Variants in NGEF observed in about 807,000 individuals in gnomAD.
NGEF encodes the protein neuronal guanine nucleotide exchange factor.
A neutral mutation model predicts 80.9 loss-of-function variants in NGEF; 31 were observed. The observed-to-expected ratio is 0.38, with a 90% CI of 0.29 to 0.52. The LOEUF is 0.52. Ranked by LOEUF, NGEF falls within the 20% of genes least tolerant of loss-of-function variation. The probability of loss-of-function intolerance (pLI) is 0.84; values close to 1 mark genes in which losing one functional copy is unlikely to be tolerated. For missense variants in NGEF, 709 were observed against 926.2 expected, an observed-to-expected ratio of 0.77 and a Z score of 3.04; for synonymous variants, 371 against 370.2, an observed-to-expected ratio of 1.00 and a Z score of -0.03.
At position 232,991,227 on chromosome 2, in the gene NGEF, A is replaced by G. The variant is rs138839969; in HGVS notation, c.-74-16263T>C. ...ACTGTTCAAAATTATAATGGAGGTT[A>G]TAAGACCCTTAGCCAAGAGAAAAAA... is the stretch of plus-strand genomic sequence containing the variant. On this transcript the variant is annotated intron_variant, in intron 1 of 14. Transcript: ENST00000264051. Among the ~76,000 whole-genome samples, 344 of 152,250 alleles carry G rather than the reference A, an allele frequency of 2.3e-3. 1 individual carries two copies. The highest frequency in any genetic ancestry group is 7.7e-3 in the African/African-American group (322 of 41,566).
rs569747925 is a variant in NGEF, at chr2:232,913,455, T to C, written c.828+6829A>G. On this transcript the variant is annotated intron_variant, in intron 5 of 14. Coordinates refer to ENST00000264051, the MANE Select transcript of NGEF (RefSeq NM_019850.3). ...CAATGTGTAATCTGCTACTGTTGGG[T>C]AGAGTGTTCTAGGAATGTTTATTAG... Among the ~76,000 whole-genome samples, 8 of 152,290 alleles carry C rather than the reference T, an allele frequency of 5.3e-5. No homozygotes were observed. In the East Asian group the frequency reaches 1.5e-3, roughly 29 times the overall value.
chr2:232,970,229 C>G lies in NGEF; in HGVS notation c.368G>C (p.Gly123Ala). The G allele has an allele frequency of 6.3e-7, 1 of 1,589,624 alleles. No individual in the cohort carries two copies. The highest frequency in any genetic ancestry group is 8.5e-7 in the Non-Finnish European group (1 of 1,170,966). The change falls in exon 3 of 15, where the codon GGA becomes GCA. Residue 123 changes from glycine to alanine, a missense_variant. Around this residue, in one of 2 missense-constraint regions of NGEF, gnomAD observed 283 missense variants for 303.4 expected, o/e 0.93. Coordinates refer to ENST00000264051, the MANE Select transcript of NGEF (RefSeq NM_019850.3). ...CATCTCTTACCTCATTTCCTGGGCT[C>G]CTGGGTCTGTCTGCATTGCTGTTCT... ...PCRTAMQTDP[G>A]AQEMSESSST...
chr2:232,929,651 C>T (rs915266242), intron 3 of NGEF, among the ~76,000 whole-genome samples: 2 of 152,236 alleles, frequency 1.3e-5, no homozygotes, highest in African/African-American at 4.8e-5. Flanking sequence ...CTCCCATGGA[C>T]CCAGGTATCT....
intron 12 of NGEF, among the ~76,000 whole-genome samples, chr2:232,882,718 C>T (rs532516028): frequency 7.2e-5 from 11 of 152,292 alleles, no homozygotes; most frequent in South Asian, 4.1e-4. Context: ...GGGGCCACGA[C>T]GGGAGGAGGG....
chr2:232,895,289 G>A (rs1692021247), intron 5 of NGEF, among the ~76,000 whole-genome samples: 1 of 152,154 alleles, frequency 6.6e-6, no homozygotes, highest in African/African-American at 2.4e-5. Flanking sequence ...CACTTTAGGA[G>A]GCCGAGGCGG....
intron 3 of NGEF, among the ~76,000 whole-genome samples, chr2:232,942,417 C>T (rs185156554): frequency 2.6e-5 from 4 of 152,324 alleles, no homozygotes; most frequent in East Asian, 1.9e-4. Context: ...CTTGAAAGCA[C>T]GTGGACATTC....
intron 3 of NGEF, among the ~76,000 whole-genome samples, chr2:232,948,860 A>G (rs771573185): frequency 2.8e-4 from 43 of 152,100 alleles, no homozygotes; most frequent in Non-Finnish European, 7.4e-5. Context: ...TCTACTAAAA[A>G]TACAAAAATT....
chr2:232,981,458 C>G (rs1694415161), intron 1 of NGEF, among the ~76,000 whole-genome samples: 1 of 152,050 alleles, frequency 6.6e-6, no homozygotes, highest in Admixed American at 6.6e-5. Context: ...TCTGACCCTC[C>G]CCACGTTGCT....
intron 3 of NGEF, among the ~76,000 whole-genome samples, chr2:232,967,648 G>A (rs1286741618): frequency 1.3e-5 from 2 of 151,734 alleles, no homozygotes. Context: ...TTTTTTTATA[G>A]CAATGCAAGA....
At chr2:232,926,997 G>T (rs368738673) in intron 4 of NGEF, 47 bp downstream of exon 4, 1 of 1,613,180 alleles carries the variant, frequency 6.2e-7, no homozygotes, top group African/African-American at 1.3e-5. Context: ...AGTCCTCCAG[G>T]GACCCGCGTT....
At chr2:232,894,983 G>C in intron 5 of NGEF, 67 bp from the exon 6 acceptor site, 1 of 1,498,170 alleles carries the variant, frequency 6.7e-7, no homozygotes, top group Non-Finnish European at 9.1e-7. Flanking sequence ...AGCCTTGGCT[G>C]AGACAGAGGA....
intron 5 of NGEF, among the ~76,000 whole-genome samples, chr2:232,902,180 A>G (rs1446703906): frequency 1.3e-5 from 2 of 152,162 alleles, no homozygotes; most frequent in Non-Finnish European, 2.9e-5. Flanking sequence ...CAAGGTCACA[A>G]AGTTGCCTCG....
chr2:232,887,933 TAA>T, intron 9 of NGEF, 98 bp downstream of exon 9: 1 of 917,872 alleles, frequency 1.1e-6, no homozygotes, highest in East Asian at 2.4e-5. Flanking sequence ...TTGCATATTC[TAA>T]AAAGACACAC....
chr2:232,935,152 A>G (rs914976290), intron 3 of NGEF, among the ~76,000 whole-genome samples: 6 of 152,200 alleles, frequency 3.9e-5, no homozygotes, highest in Non-Finnish European at 5.9e-5. Flanking sequence ...AGCAAAGTGC[A>G]TTCTTATTTA....
chr2:232,943,655 C>T (rs1313063445), intron 3 of NGEF, among the ~76,000 whole-genome samples: 1 of 151,548 alleles, frequency 6.6e-6, no homozygotes, highest in Non-Finnish European at 1.5e-5. Context: ...GCCACTAGAC[C>T]CGACTAATTT....
chr2:232,897,086 GT>G (rs1692120105), intron 5 of NGEF, among the ~76,000 whole-genome samples: 1 of 127,740 alleles, frequency 7.8e-6, no homozygotes, highest in African/African-American at 3.0e-5. Flanking sequence ...AGGGGTGAGG[GT>G]TGGGATGGGG....
chr2:233,013,227 T>C lies in NGEF; in HGVS notation c.-234A>G. 4.2e-6 allele frequency: 2 copies of C among 471,200 alleles called. No individual in the cohort carries two copies. The highest frequency in any genetic ancestry group is 8.8e-6 in the Non-Finnish European group (2 of 227,064). The allele number at this position is 471,200 out of a possible 1,614,324, so 29.2% of individuals were successfully genotyped here. A position where few individuals can be genotyped will look rare whatever the true frequency, so the allele number is the denominator to read the frequency against. On this transcript the variant is annotated 5_prime_UTR_variant, in exon 1 of 15. Transcript: ENST00000264051. Reference sequence around the variant, plus strand: ...GAGCCCACAGCCAAAAACTTCGTCCTGTCCTGGAAAAGCTTCACTGGTAAG... The same window carrying C: ...GAGCCCACAGCCAAAAACTTCGTCCCGTCCTGGAAAAGCTTCACTGGTAAG...
rs1694157906 is a variant in NGEF, at chr2:232,970,250, G to A, written c.347C>T (p.Thr116Ile). Reference protein sequence around the residue: ...IPWSRMPPCRTAMQTDPGAQE... With the variant: ...IPWSRMPPCRIAMQTDPGAQE... ...GGCTCCTGGGTCTGTCTGCATTGCTGTTCTGCAAGGAGGCATTCTGCTCCA... is the reference window on the plus strand; with the variant it reads ...GGCTCCTGGGTCTGTCTGCATTGCTATTCTGCAAGGAGGCATTCTGCTCCA... Residue 116 changes from threonine (T) to isoleucine (I), a missense_variant, in exon 3 of 15, where the codon ACA (threonine) becomes ATA (isoleucine). Transcript: ENST00000264051. 4 of 1,601,842 alleles carry A rather than the reference G, an allele frequency of 2.5e-6. No individual in the cohort carries two copies. Among genetic ancestry groups the A allele is most frequent in the East Asian group, 2.3e-5 (1 of 43,638 alleles).
chr2:232,944,897 G>T (rs369721749), intron 3 of NGEF, among the ~76,000 whole-genome samples: 2 of 151,248 alleles, frequency 1.3e-5, no homozygotes, highest in Admixed American at 6.6e-5. Context: ...GATTACAGGC[G>T]CCTGCCACCA....
Sources: allele counts gnomAD v4.1 joint callset (sites outside exome capture counted in the v4.1 genomes callset), GRCh38; gene constraint gnomAD v4.1.1; regional missense constraint gnomAD v4.1.1; transcripts MANE v1.5; gene names NCBI Gene and HGNC (gene_info 2026-07-23, HGNC 2026-07-21).